NKAIN2: variants seen among roughly 807,000 people sequenced by gnomAD.
The protein encoded by NKAIN2 is sodium/potassium-transporting ATPase subunit beta-1-interacting protein 2.
NKAIN2 carries 14 observed loss-of-function variants against 32.6 expected under a neutral mutation model. That is an observed-to-expected ratio of 0.43 (90% CI 0.28 to 0.67). The LOEUF (loss-of-function observed/expected upper bound fraction) is 0.67, where lower values mean the gene tolerates loss of function less well. NKAIN2 is among the 30% of genes least tolerant of loss of function. NKAIN2 has a pLI of 0.17. For synonymous variants in NKAIN2, 80 were observed against 87.2 expected (o/e 0.92, Z 0.46); for missense variants, 198 against 258.3 (o/e 0.77, Z 1.60).
At position 123,861,087 on chromosome 6, in the gene NKAIN2, A is replaced by G. The variant is rs147322877; in HGVS notation, c.54+56833A>G. On this transcript the variant is annotated intron_variant, in intron 1 of 6. Coordinates refer to ENST00000368417, the MANE Select transcript of NKAIN2 (RefSeq NM_001040214.3). ...CCCAAATCTGTGTTCTTCCTATACCATGTCACCTCCTGTGCTATTAAATGA... is the reference window on the plus strand; with the variant it reads ...CCCAAATCTGTGTTCTTCCTATACCGTGTCACCTCCTGTGCTATTAAATGA... Among the ~76,000 whole-genome samples, 18 of 152,282 alleles carry G rather than the reference A, an allele frequency of 1.2e-4. No individual in the cohort carries two copies. The East Asian group carries it at 3.5e-3, about 29-fold the overall frequency.
intron 1 of NKAIN2, among the ~76,000 whole-genome samples, chr6:124,167,455 C>G (rs1478518107): frequency 5.3e-5 from 8 of 152,176 alleles, no homozygotes; most frequent in Admixed American, 2.6e-4. Context: ...ACAATGATGT[C>G]ATCTGCAAAC....
chr6:123,936,304 T>C (rs1331400015), intron 1 of NKAIN2, among the ~76,000 whole-genome samples: 1 of 152,136 alleles, frequency 6.6e-6, no homozygotes, highest in South Asian at 2.1e-4. Flanking sequence ...GGACCCTAGA[T>C]GGGTTTGATA....
chr6:123,942,297 C>T lies in NKAIN2; in HGVS notation c.54+138043C>T, dbSNP rs758711793. Among the ~76,000 whole-genome samples the T allele has an allele frequency of 9.9e-5, 15 of 151,738 alleles. 1 individual carries two copies. Among genetic ancestry groups the T allele is most frequent in the South Asian group, 6.2e-4 (3 of 4,814 alleles). ...AATGACTAATACTAATAGAATAATA[C>T]GTAATACTGATATTTAATAATTAAA... On this transcript the variant is annotated intron_variant, in intron 1 of 6. Transcript: ENST00000368417.
chr6:124,376,720 G>A (rs1800009539), intron 3 of NKAIN2, among the ~76,000 whole-genome samples: 1 of 152,006 alleles, frequency 6.6e-6, no homozygotes, highest in Non-Finnish European at 1.5e-5. Flanking sequence ...AGAATAATGT[G>A]ATGCATTTTA....
intron 1 of NKAIN2, among the ~76,000 whole-genome samples, chr6:124,024,638 C>A (rs886364170): frequency 3.3e-5 from 5 of 151,906 alleles, no homozygotes; most frequent in Non-Finnish European, 7.4e-5. Context: ...TTATAATAGC[C>A]GTGATTATTA....
intron 5 of NKAIN2, among the ~76,000 whole-genome samples, chr6:124,808,832 C>T (rs1427155751): frequency 3.9e-5 from 6 of 152,114 alleles, no homozygotes; most frequent in Non-Finnish European, 8.8e-5. Flanking sequence ...TTCTTATACA[C>T]CAATAACAGA....
chr6:124,598,520 T>C (rs148964674), intron 3 of NKAIN2, among the ~76,000 whole-genome samples: 5 of 152,172 alleles, frequency 3.3e-5, no homozygotes, highest in African/African-American at 9.6e-5. Context: ...TCTTAAAGTT[T>C]CTGCTGGATA....
chr6:124,186,180 A>C (rs1789724619), intron 1 of NKAIN2, among the ~76,000 whole-genome samples: 1 of 146,752 alleles, frequency 6.8e-6, no homozygotes, highest in South Asian at 2.1e-4. Context: ...AGGGAAAGAA[A>C]GAAAGGAAGG....
chr6:123,870,189 C>T (rs897537643), intron 1 of NKAIN2, among the ~76,000 whole-genome samples: 1 of 151,934 alleles, frequency 6.6e-6, no homozygotes, highest in African/African-American at 2.4e-5. Flanking sequence ...GGTGATAAGG[C>T]AGACAATAGA....
intron 3 of NKAIN2, among the ~76,000 whole-genome samples, chr6:124,505,180 A>G (rs1458621080): frequency 6.6e-6 from 1 of 152,256 alleles, no homozygotes; most frequent in Admixed American, 6.5e-5. Flanking sequence ...GCATTAGAGA[A>G]ATAAAAACTA....
In NKAIN2 at chr6:124,097,581, T is replaced by A. The variant is rs867084495; in HGVS notation, c.55-185424T>A. Among the ~76,000 whole-genome samples the A allele has an allele frequency of 4.0e-4, 61 of 152,194 alleles. 2 individuals are homozygous for A. Among genetic ancestry groups the A allele is most frequent in the Non-Finnish European group, 2.4e-4 (16 of 68,040 alleles). On this transcript the variant is annotated intron_variant, in intron 1 of 6. Coordinates refer to ENST00000368417, the MANE Select transcript of NKAIN2 (RefSeq NM_001040214.3). ...ATTCGCAAATGACCTGATTTCTCAG[T>A]TATTTGTTAGCTACATGCAATTGGC... is the stretch of plus-strand genomic sequence containing the variant.
intron 1 of NKAIN2, among the ~76,000 whole-genome samples, chr6:124,051,844 TTATC>T (rs1400583252): frequency 6.6e-6 from 1 of 152,008 alleles, no homozygotes; most frequent in Non-Finnish European, 1.5e-5. Context: ...AGATAAAAGT[TTATC>T]TAAGAATTTT....
chr6:124,626,885 C>T (rs965851021), intron 3 of NKAIN2, among the ~76,000 whole-genome samples: 3 of 152,078 alleles, frequency 2.0e-5, no homozygotes, highest in African/African-American at 7.2e-5. Context: ...GAATGAAGCC[C>T]CTTTTTTGCC....
chr6:124,532,319 AC>A (rs765381008), intron 3 of NKAIN2, among the ~76,000 whole-genome samples: 6 of 152,124 alleles, frequency 3.9e-5, no homozygotes, highest in Non-Finnish European at 8.8e-5. Context: ...AAAGTCTCAT[AC>A]CCTTCTTGCA....
chr6:124,254,334 G>T (rs1793825702), intron 1 of NKAIN2, among the ~76,000 whole-genome samples: 1 of 152,162 alleles, frequency 6.6e-6, no homozygotes, highest in Non-Finnish European at 1.5e-5. Context: ...CTAGCTGATG[G>T]TAAAGGACAT....
At chr6:123,973,656 T>C (rs1347739440) in intron 1 of NKAIN2, among the ~76,000 whole-genome samples, 1 of 151,888 alleles carries the variant, frequency 6.6e-6, no homozygotes, top group African/African-American at 2.4e-5. Flanking sequence ...ACTATTTAGG[T>C]TGGTGCAAAA....
At chr6:123,875,071 A>G (rs1444379439) in intron 1 of NKAIN2, among the ~76,000 whole-genome samples, 1 of 152,002 alleles carries the variant, frequency 6.6e-6, no homozygotes, top group Non-Finnish European at 1.5e-5. Flanking sequence ...ACTGCATTAT[A>G]TTTTATATAC....
At chr6:124,574,372 C>T (rs1781250062) in intron 3 of NKAIN2, among the ~76,000 whole-genome samples, 1 of 151,626 alleles carries the variant, frequency 6.6e-6, no homozygotes, top group African/African-American at 2.4e-5. Context: ...AATCCCAGCT[C>T]TTTGGGAGGC....
At chr6:124,811,084 G>A (rs1157731680) in intron 5 of NKAIN2, among the ~76,000 whole-genome samples, 2 of 152,186 alleles carry the variant, frequency 1.3e-5, no homozygotes, top group African/African-American at 2.4e-5. Context: ...CGTTCCTTTT[G>A]TATTACTGGA....
Sources: gnomAD v4.1 joint callset for allele counts (sites outside exome capture counted in the v4.1 genomes callset) on GRCh38, gnomAD v4.1.1 for gene constraint, MANE v1.5 for transcripts, NCBI Gene and HGNC (gene_info 2026-07-23, HGNC 2026-07-21) for gene names.